Variants in HDLBP observed in about 807,000 individuals in gnomAD.
HDLBP encodes high density lipoprotein binding protein.
Under a neutral mutation model 137.3 loss-of-function variants are expected in HDLBP, and 30 were observed. The ratio of observed to expected loss-of-function variants is 0.22; its 90% CI spans 0.16 to 0.30. The LOEUF (loss-of-function observed/expected upper bound fraction) is 0.30, where lower values mean the gene tolerates loss of function less well. Among genes scored for constraint, HDLBP ranks in the 10% least tolerant of loss-of-function variants. HDLBP has a pLI of 1.00. For synonymous variants in HDLBP, 606 were observed against 596.0 expected (o/e 1.02, Z -0.24); for missense variants, 1,119 against 1,667.3 (o/e 0.67, Z 5.73).
chr2:241,249,933 C>T lies in HDLBP; in HGVS notation c.1420G>A (p.Asp474Asn). ...CGGATCAAATTGCTCTTCTCACTGT[C>T]AGGAGGGATGCGCACGGACACCTTG... ...QYKVSVRIPP[D>N]SEKSNLIRIE... is the part of the protein sequence containing the mutation. The change falls in exon 12 of 28, where the codon GAC becomes AAC. Residue 474 changes from aspartate (D) to asparagine (N), a missense_variant. By Grantham distance (23) the Asp-to-Asn change is conservative. Around this residue, in one of 4 missense-constraint regions of HDLBP, gnomAD observed 425 missense variants for 693.9 expected, o/e 0.61. Coordinates refer to ENST00000310931, the MANE Select transcript of HDLBP (RefSeq NM_005336.6). 1 of 1,613,954 alleles carries T rather than the reference C, an allele frequency of 6.2e-7. No homozygotes were observed. The highest frequency in any genetic ancestry group is 8.5e-7 in the Non-Finnish European group (1 of 1,179,908).
intron 1 of HDLBP, chr2:241,268,907 C>T (rs1420366398): frequency 1.3e-5 from 2 of 152,234 alleles, no homozygotes; most frequent in African/African-American, 2.4e-5. Flanking sequence ...CCCACATAAC[C>T]GCTGGGCGGC....
At chr2:241,313,694 C>T (rs2075836124) in intron 1 of HDLBP, among the ~76,000 whole-genome samples, 1 of 152,130 alleles carries the variant, frequency 6.6e-6, no homozygotes, top group African/African-American at 2.4e-5. Flanking sequence ...AGGCTGAAGT[C>T]AGACAACTGG....
intron 12 of HDLBP, chr2:241,249,486 C>CT (rs2071947062): frequency 4.0e-6 from 2 of 499,050 alleles, no homozygotes; most frequent in Non-Finnish European, 8.1e-6. Context: ...ATCCTCGAGT[C>CT]TGGCCTTACA....
chr2:241,306,323 G>A (rs1018387218), intron 1 of HDLBP, among the ~76,000 whole-genome samples: 4 of 151,040 alleles, frequency 2.6e-5, no homozygotes, highest in African/African-American at 4.9e-5. Flanking sequence ...GTGCAATGGC[G>A]TGATCTCGGC....
rs1298208221 is a variant in HDLBP at position 241,252,351 on chromosome 2, A to C, written c.1372+606T>G. 7.2e-5 allele frequency among the ~76,000 whole-genome samples: 11 copies of C among 152,204 alleles called. No individual in the cohort carries two copies. In the East Asian group the frequency reaches 2.1e-3, roughly 29 times the overall value. On this transcript the variant is annotated intron_variant, in intron 11 of 27. Transcript: ENST00000310931. ...ACCCCGTCTCTTCTAAAAATACAAA[A>C]ATTAATTGGCTGTGGTGGCATGCAC...
chr2:241,309,455 TAAG>T (rs1325765068), intron 1 of HDLBP, among the ~76,000 whole-genome samples: 4 of 151,974 alleles, frequency 2.6e-5, no homozygotes, highest in Non-Finnish European at 5.9e-5. Context: ...AAGCAAAGAA[TAAG>T]AATAGAGATA....
At chr2:241,235,354 C>G in intron 22 of HDLBP, 99 bp from the exon 23 acceptor site, 5 of 1,556,678 alleles carry the variant, frequency 3.2e-6, no homozygotes, top group Admixed American at 3.4e-5. Context: ...GAAGGCCACC[C>G]GCCGTGAAGG....
intron 16 of HDLBP, among the ~76,000 whole-genome samples, chr2:241,245,087 T>C (rs1295109198): frequency 1.3e-5 from 2 of 152,230 alleles, no homozygotes; most frequent in African/African-American, 4.8e-5. Context: ...CAGTAAGTTA[T>C]TTAACCGTGT....
At chr2:241,304,091 G>A (rs1197158996) in intron 1 of HDLBP, among the ~76,000 whole-genome samples, 1 of 152,154 alleles carries the variant, frequency 6.6e-6, no homozygotes, top group Non-Finnish European at 1.5e-5. Context: ...GGATTACAAA[G>A]TGCATGTGTA....
At chr2:241,261,248 G>A (rs1275185775) in intron 5 of HDLBP, among the ~76,000 whole-genome samples, 1 of 150,024 alleles carries the variant, frequency 6.7e-6, no homozygotes, top group Non-Finnish European at 1.5e-5. Flanking sequence ...TAAAGAATGA[G>A]AGACAGGACT....
intron 1 of HDLBP, chr2:241,280,020 G>C (rs2074537478): frequency 1.1e-5 from 11 of 985,434 alleles, no homozygotes; most frequent in African/African-American, 1.7e-5. Flanking sequence ...CTCCAAGGCT[G>C]TGGGAGCAGA....
intron 1 of HDLBP, among the ~76,000 whole-genome samples, chr2:241,299,057 G>T (rs969212203): frequency 6.6e-6 from 1 of 152,148 alleles, no homozygotes; most frequent in African/African-American, 2.4e-5. Context: ...AAGGTGTCTT[G>T]TCTATAAGTA....
chr2:241,232,743 G>A (rs1358218405), intron 24 of HDLBP, among the ~76,000 whole-genome samples: 2 of 152,088 alleles, frequency 1.3e-5, no homozygotes, highest in East Asian at 1.9e-4. Flanking sequence ...CAACCCGGGA[G>A]GCAGAGGTTA....
intron 1 of HDLBP, among the ~76,000 whole-genome samples, chr2:241,305,426 C>T (rs139357270): frequency 2.0e-5 from 3 of 152,230 alleles, no homozygotes; most frequent in African/African-American, 7.2e-5. Context: ...CCTGGCCAGG[C>T]TCTACTCTTT....
chr2:241,293,558 G>C (rs1233345172), intron 1 of HDLBP, among the ~76,000 whole-genome samples: 2 of 151,388 alleles, frequency 1.3e-5, no homozygotes, highest in Non-Finnish European at 2.9e-5. Context: ...CCTGCAGTGA[G>C]CCATGATTGC....
intron 1 of HDLBP, among the ~76,000 whole-genome samples, chr2:241,313,094 G>A (rs908592279): frequency 6.6e-6 from 1 of 152,084 alleles, no homozygotes; most frequent in Non-Finnish European, 1.5e-5. Context: ...CTTTTAAACC[G>A]CAGTTCAAGG....
intron 3 of HDLBP, among the ~76,000 whole-genome samples, chr2:241,265,809 C>T (rs1243944170): frequency 6.6e-6 from 1 of 152,158 alleles, no homozygotes; most frequent in Non-Finnish European, 1.5e-5. Flanking sequence ...AGCATTCTTT[C>T]AGTGCCGTCT....
In HDLBP at chr2:241,272,600, CGGGGGCCGCAGCCTGGGGCCCGGGT is replaced by C. The variant is rs1272799090; in HGVS notation, c.-102-4084_-102-4060del. ...GCGCGGTAAGCAGGACACCCGCGGG[CGGGGGCCGCAGCCTGGGGCCCGGGT>C]GGGGGCCGCGGCACCCGGGCCCCTC... is the stretch of plus-strand genomic sequence containing the variant. On this transcript the variant is annotated intron_variant, in intron 1 of 27. Coordinates refer to ENST00000310931, the MANE Select transcript of HDLBP (RefSeq NM_005336.6). The surrounding 1 kb of genome is among the most constrained non-coding windows in gnomAD (Gnocchi z 5.6). The C allele has an allele frequency of 5.2e-4, 508 of 983,328 alleles. No individual in the cohort carries two copies. The highest frequency in any genetic ancestry group is 2.3e-3 in the South Asian group (48 of 21,254). The allele number at this position is 983,328 out of a possible 1,614,324, so 60.9% of individuals were successfully genotyped here.
chr2:241,232,998 A>G (rs1042956552), intron 24 of HDLBP, among the ~76,000 whole-genome samples: 3 of 143,596 alleles, frequency 2.1e-5, no homozygotes, highest in African/African-American at 7.5e-5. Flanking sequence ...GGGGAAGGGG[A>G]AGGGGAAGCA....
Sources: gnomAD v4.1 joint callset for allele counts (sites outside exome capture counted in the v4.1 genomes callset) on GRCh38, gnomAD v4.1.1 for gene constraint, gnomAD v4.1.1 regional missense constraint, Gnocchi (gnomAD v3.1) non-coding constraint, MANE v1.5 for transcripts, NCBI Gene and HGNC (gene_info 2026-07-23, HGNC 2026-07-21) for gene names.